Variants in PDE4B observed in about 807,000 individuals in gnomAD.
PDE4B encodes phosphodiesterase 4B, also known as 3',5'-cyclic-AMP phosphodiesterase 4B.
A neutral mutation model predicts 82.2 loss-of-function variants in PDE4B; 20 were observed. The observed-to-expected ratio is 0.24, with a 90% CI of 0.17 to 0.35. PDE4B has a LOEUF of 0.35. Ranked by LOEUF, PDE4B falls within the 10% of genes least tolerant of loss-of-function variation. PDE4B has a pLI of 1.00. For synonymous variants in PDE4B, 320 were observed against 318.9 expected, an observed-to-expected ratio of 1.00 and a Z score of -0.04; for missense variants, 655 against 907.2, an observed-to-expected ratio of 0.72 and a Z score of 3.57.
chr1:66,277,099 G>T (rs540398737), intron 7 of PDE4B, among the ~76,000 whole-genome samples: 5 of 152,218 alleles, frequency 3.3e-5, no homozygotes, highest in African/African-American at 1.2e-4. Context: ...ATAAATAAAT[G>T]ACTTTAAACT....
chr1:65,965,816 A>G (rs1313985631), intron 3 of PDE4B, among the ~76,000 whole-genome samples: 1 of 152,148 alleles, frequency 6.6e-6, no homozygotes, highest in Non-Finnish European at 1.5e-5. Flanking sequence ...ATCTCAATAG[A>G]TGCAGAAAAG....
intron 3 of PDE4B, among the ~76,000 whole-genome samples, chr1:66,032,429 C>G (rs140063793): frequency 5.3e-5 from 8 of 152,214 alleles, no homozygotes; most frequent in African/African-American, 1.9e-4. Context: ...TAAAGTGTAT[C>G]CATTTTGAAT....
chr1:66,046,506 T>C (rs1225323032), intron 3 of PDE4B, among the ~76,000 whole-genome samples: 1 of 151,800 alleles, frequency 6.6e-6, no homozygotes, highest in African/African-American at 2.4e-5. Context: ...TGAAGAAATA[T>C]GATAGAGATG....
At chr1:65,986,389 A>T (rs1650956027) in intron 3 of PDE4B, among the ~76,000 whole-genome samples, 1 of 152,230 alleles carries the variant, frequency 6.6e-6, no homozygotes, top group African/African-American at 2.4e-5. Context: ...AATTTACTGA[A>T]GAGTTTTCCT....
chr1:66,344,793 C>T (rs1340787211), intron 8 of PDE4B, among the ~76,000 whole-genome samples: 5 of 152,194 alleles, frequency 3.3e-5, no homozygotes, highest in Non-Finnish European at 7.3e-5. Context: ...AATCTAATCA[C>T]ATGATCCAGG....
At chr1:66,247,710 G>C in intron 4 of PDE4B, 56 bp downstream of exon 4, 2 of 1,312,944 alleles carry the variant, frequency 1.5e-6, no homozygotes, top group Non-Finnish European at 2.1e-6. Flanking sequence ...CTCTACCCAG[G>C]TCACAGTGGC....
intron 7 of PDE4B, among the ~76,000 whole-genome samples, chr1:66,317,913 A>G (rs1659138025): frequency 6.6e-6 from 1 of 152,216 alleles, no homozygotes; most frequent in South Asian, 2.1e-4. Flanking sequence ...AATAAAATAA[A>G]ATAAAATAAT....
chr1:65,794,948 A>C (rs1332961072), intron 1 of PDE4B, among the ~76,000 whole-genome samples: 2 of 152,160 alleles, frequency 1.3e-5, no homozygotes, highest in Non-Finnish European at 2.9e-5. Flanking sequence ...ATTTTGCAAA[A>C]ATGAATTGTC....
At chr1:65,996,657 T>C (rs1452045449) in intron 3 of PDE4B, among the ~76,000 whole-genome samples, 1 of 152,226 alleles carries the variant, frequency 6.6e-6, no homozygotes, top group Non-Finnish European at 1.5e-5. Context: ...CAAAAGTATT[T>C]TGAATTGCTC....
At chr1:66,300,691 C>A (rs1202666500) in intron 7 of PDE4B, among the ~76,000 whole-genome samples, 3 of 152,146 alleles carry the variant, frequency 2.0e-5, no homozygotes, top group Non-Finnish European at 4.4e-5. Flanking sequence ...TGGACGCAGA[C>A]CCTGAACTCA....
intron 3 of PDE4B, among the ~76,000 whole-genome samples, chr1:66,242,218 T>A (rs2101660695): frequency 6.6e-6 from 1 of 152,348 alleles, no homozygotes; most frequent in Non-Finnish European, 1.5e-5. Context: ...GCTTCACATT[T>A]TTCAAATGAA....
intron 7 of PDE4B, among the ~76,000 whole-genome samples, chr1:66,297,405 A>G (rs1296343791): frequency 6.6e-6 from 1 of 152,126 alleles, no homozygotes; most frequent in Non-Finnish European, 1.5e-5. Context: ...CAGCATGCAG[A>G]CATCCCTACG....
intron 3 of PDE4B, among the ~76,000 whole-genome samples, chr1:66,134,788 T>C (rs1646022086): frequency 6.6e-6 from 1 of 152,252 alleles, no homozygotes; most frequent in African/African-American, 2.4e-5. Flanking sequence ...GTTTATTACA[T>C]GTGTGCCATG....
chr1:65,876,079 G>A (rs1460085436), intron 1 of PDE4B, among the ~76,000 whole-genome samples: 2 of 152,012 alleles, frequency 1.3e-5, no homozygotes, highest in Non-Finnish European at 2.9e-5. Flanking sequence ...AGGTTGTGGG[G>A]GCGGAAGTTT....
At chr1:65,925,179 G>C (rs1235692928) in intron 3 of PDE4B, among the ~76,000 whole-genome samples, 1 of 151,956 alleles carries the variant, frequency 6.6e-6, no homozygotes, top group Non-Finnish European at 1.5e-5. Context: ...GATAGTTTTT[G>C]CTCATGCTTT....
chr1:66,261,527 G>A (rs898892637), intron 6 of PDE4B, among the ~76,000 whole-genome samples: 41 of 152,200 alleles, frequency 2.7e-4, no homozygotes, highest in African/African-American at 8.9e-4. Flanking sequence ...TGTGTCCTAG[G>A]AGTGGTTTTC....
intron 3 of PDE4B, among the ~76,000 whole-genome samples, chr1:66,013,529 G>C (rs1035717024): frequency 6.6e-6 from 1 of 151,944 alleles, no homozygotes; most frequent in African/African-American, 2.4e-5. Context: ...CTATTTCTAG[G>C]TGTACAGTTC....
At chr1:66,136,553 T>C (rs1646059615) in intron 3 of PDE4B, among the ~76,000 whole-genome samples, 1 of 151,408 alleles carries the variant, frequency 6.6e-6, no homozygotes, top group African/African-American at 2.4e-5. Context: ...CTACTAAAAA[T>C]ACAAAAATTA....
chr1:66,106,818 T>G (rs1645370661), intron 3 of PDE4B, among the ~76,000 whole-genome samples: 1 of 112,204 alleles, frequency 8.9e-6, no homozygotes, highest in South Asian at 3.4e-4. Flanking sequence ...ATCTATTTGA[T>G]TCTTCTCTCT....
Sources: gnomAD v4.1 joint callset for allele counts (sites outside exome capture counted in the v4.1 genomes callset) on GRCh38, gnomAD v4.1.1 for gene constraint, MANE v1.5 for transcripts, NCBI Gene and HGNC (gene_info 2026-07-23, HGNC 2026-07-21) for gene names.